The following MAN1A2 variants were observed in gnomAD, a reference collection of about 807,000 sequenced individuals.
The protein encoded by MAN1A2 is mannosidase alpha class 1A member 2.
A neutral mutation model predicts 75.7 loss-of-function variants in MAN1A2; 26 were observed. That is an observed-to-expected ratio of 0.34 (90% CI 0.25 to 0.48). The LOEUF is 0.48. Ranked by LOEUF, MAN1A2 falls within the 20% of genes least tolerant of loss-of-function variation. The pLI is 0.99. For missense variants in MAN1A2, 562 were observed against 775.5 expected, an observed-to-expected ratio of 0.72 and a Z score of 3.27; for synonymous variants, 247 against 264.6, an observed-to-expected ratio of 0.93 and a Z score of 0.65.
At chr1:117,460,014 G>A (rs1315384220) in intron 6 of MAN1A2, among the ~76,000 whole-genome samples, 2 of 151,782 alleles carry the variant, frequency 1.3e-5, no homozygotes, top group Non-Finnish European at 2.9e-5. Flanking sequence ...TGCCTCTAGG[G>A]TGGGGCATTC....
At chr1:117,495,755 G>A (rs1651020030) in intron 9 of MAN1A2, among the ~76,000 whole-genome samples, 1 of 151,756 alleles carries the variant, frequency 6.6e-6, no homozygotes. Context: ...ACTATCATGA[G>A]GTTCAAAAAG....
intron 12 of MAN1A2, chr1:117,515,631 T>C (rs892111467): frequency 6.6e-6 from 1 of 151,688 alleles, no homozygotes; most frequent in Admixed American, 6.6e-5. Context: ...CTAGGAGAAG[T>C]AGTAGGAAAT....
At chr1:117,414,081 C>A (rs1177040357) in intron 3 of MAN1A2, among the ~76,000 whole-genome samples, 1 of 151,588 alleles carries the variant, frequency 6.6e-6, no homozygotes, top group African/African-American at 2.4e-5. Flanking sequence ...TAAGGATTAT[C>A]TCTTTCTTAA....
chr1:117,453,316 C>T (rs1278305666), intron 6 of MAN1A2, among the ~76,000 whole-genome samples: 2 of 152,190 alleles, frequency 1.3e-5, no homozygotes, highest in Non-Finnish European at 2.9e-5. Context: ...AGTGATTCCT[C>T]TGACAGATCT....
chr1:117,453,930 C>T (rs1649497990), intron 6 of MAN1A2, among the ~76,000 whole-genome samples: 1 of 152,110 alleles, frequency 6.6e-6, no homozygotes, highest in South Asian at 2.1e-4. Flanking sequence ...CAGCCACCAC[C>T]CTGATCAGTC....
intron 5 of MAN1A2, among the ~76,000 whole-genome samples, chr1:117,423,029 A>G (rs1648248364): frequency 6.6e-6 from 1 of 152,182 alleles, no homozygotes; most frequent in Non-Finnish European, 1.5e-5. Flanking sequence ...TTCCAAAACT[A>G]TTATAGCTTT....
chr1:117,427,158 A>T (rs1023711802), intron 5 of MAN1A2, among the ~76,000 whole-genome samples: 1 of 149,888 alleles, frequency 6.7e-6, no homozygotes, highest in African/African-American at 2.4e-5. Context: ...AAAATGATCC[A>T]TTTTTTTTTT....
At chr1:117,421,648 G>C (rs1648203169) in intron 5 of MAN1A2, among the ~76,000 whole-genome samples, 1 of 151,114 alleles carries the variant, frequency 6.6e-6, no homozygotes, top group Non-Finnish European at 1.5e-5. Flanking sequence ...GAAGAAATAT[G>C]TTTAAAGATG....
At chr1:117,458,523 A>ATATATTTTTTTTTTTT (rs1553236643) in intron 6 of MAN1A2, among the ~76,000 whole-genome samples, 27 of 105,576 alleles carry the variant, frequency 2.6e-4, no homozygotes, top group Non-Finnish European at 4.8e-4. Flanking sequence ...ATATATATAT[A>ATATATTTTTTTTTTTT]TTTTTTTTTT....
At chr1:117,405,525 G>T in intron 2 of MAN1A2, 24 bp from the exon 3 acceptor site, 1 of 1,385,996 alleles carries the variant, frequency 7.2e-7, no homozygotes, top group Non-Finnish European at 1.0e-6. Context: ...TTAAATTGAT[G>T]GATTATAATT....
chr1:117,517,150 A>G (rs1651736349), intron 12 of MAN1A2, among the ~76,000 whole-genome samples: 1 of 152,178 alleles, frequency 6.6e-6, no homozygotes, highest in South Asian at 2.1e-4. Flanking sequence ...AATGAAAGCA[A>G]GACCTGAAAG....
At chr1:117,482,505 A>G (rs1452940819) in intron 8 of MAN1A2, among the ~76,000 whole-genome samples, 2 of 151,980 alleles carry the variant, frequency 1.3e-5, no homozygotes, top group African/African-American at 4.8e-5. Context: ...TGTTGGCTGC[A>G]TATACAGACA....
At chr1:117,471,906 A>G (rs1378260872) in intron 8 of MAN1A2, among the ~76,000 whole-genome samples, 3 of 151,986 alleles carry the variant, frequency 2.0e-5, no homozygotes, top group African/African-American at 4.8e-5. Context: ...TAATGAAGGA[A>G]CAAGATTAGT....
At chr1:117,512,015 A>C (rs1181431955) in intron 12 of MAN1A2, among the ~76,000 whole-genome samples, 1 of 152,152 alleles carries the variant, frequency 6.6e-6, no homozygotes, top group African/African-American at 2.4e-5. Context: ...AAAAAACCCC[A>C]GCAATTTTAT....
chr1:117,404,005 T>C (rs1003975486), intron 2 of MAN1A2, among the ~76,000 whole-genome samples: 4 of 152,216 alleles, frequency 2.6e-5, no homozygotes, highest in Non-Finnish European at 5.9e-5. Context: ...TCAGATGCAT[T>C]GTCTTCATTT....
intron 1 of MAN1A2, among the ~76,000 whole-genome samples, chr1:117,382,843 C>A (rs1000211314): frequency 3.9e-5 from 6 of 152,078 alleles, no homozygotes; most frequent in African/African-American, 7.2e-5. Flanking sequence ...TTGTTTGTAT[C>A]CTCTTTTATT....
chr1:117,520,853 A>G (rs972951894), intron 12 of MAN1A2, among the ~76,000 whole-genome samples: 6 of 152,120 alleles, frequency 3.9e-5, no homozygotes, highest in African/African-American at 1.4e-4. Flanking sequence ...AAGAGCCTAC[A>G]TAGCCAAGGC....
rs1365732335 is a variant in MAN1A2 at position 117,526,024 on chromosome 1, A to G, written c.*3067A>G. 1 of 151,830 alleles carries G rather than the reference A, an allele frequency of 6.6e-6. No individual in the cohort carries two copies. The highest frequency in any genetic ancestry group is 1.5e-5 in the Non-Finnish European group (1 of 67,816). The allele number at this position is 151,830 out of a possible 1,614,324, so 9.4% of individuals were successfully genotyped here. A position where few individuals can be genotyped will look rare whatever the true frequency, so the allele number is the denominator to read the frequency against. ...AGAGCAACTCAGGGCTATACTTGCT[A>G]GATTTTAACCAAGCAGTTTGAAATA... On this transcript the variant is annotated 3_prime_UTR_variant, in exon 13 of 13. Coordinates refer to ENST00000356554, the MANE Select transcript of MAN1A2 (RefSeq NM_006699.5).
intron 8 of MAN1A2, among the ~76,000 whole-genome samples, chr1:117,491,107 T>G (rs1650870413): frequency 6.6e-6 from 1 of 150,878 alleles, no homozygotes; most frequent in Non-Finnish European, 1.5e-5. Flanking sequence ...CCAGAAGATT[T>G]TTTTTTTCCA....
Sources: gnomAD v4.1 joint callset for allele counts (sites outside exome capture counted in the v4.1 genomes callset) on GRCh38, gnomAD v4.1.1 for gene constraint, MANE v1.5 for transcripts, NCBI Gene and HGNC (gene_info 2026-07-23, HGNC 2026-07-21) for gene names.